FMN2: variants seen among roughly 807,000 people sequenced by gnomAD.
The protein encoded by FMN2 is formin-2.
A neutral mutation model predicts 142.3 loss-of-function variants in FMN2; 51 were observed. The ratio of observed to expected loss-of-function variants is 0.36; its 90% CI spans 0.29 to 0.45. FMN2 has a LOEUF of 0.45. Among genes scored for constraint, FMN2 ranks in the 20% least tolerant of loss-of-function variants. The pLI, the probability that FMN2 is intolerant of heterozygous loss-of-function variation, is 1.00. For missense variants in FMN2, 1,936 were observed against 2,122.8 expected, an observed-to-expected ratio of 0.91 and a Z score of 1.73; for synonymous variants, 882 against 869.8, an observed-to-expected ratio of 1.01 and a Z score of -0.25.
intron 13 of FMN2, among the ~76,000 whole-genome samples, chr1:240,354,019 G>T (rs1351864613): frequency 6.6e-6 from 1 of 152,148 alleles, no homozygotes; most frequent in Non-Finnish European, 1.5e-5. Flanking sequence ...AGTTGGCAAG[G>T]TCTACATTGT....
At position 240,092,328 on chromosome 1, in the gene FMN2, G is replaced by C; in HGVS notation, c.219G>C (p.Ser73=). ...AGAGCAAGTCCGACTCCAGAGCCTCGGTGTTTTCCAACCTGCGGATCAGGA... is the reference window on the plus strand; with the variant it reads ...AGAGCAAGTCCGACTCCAGAGCCTCCGTGTTTTCCAACCTGCGGATCAGGA... The part of the protein sequence containing the change: ...KKKSKSDSRA[S]VFSNLRIRKN... The change falls in exon 1 of 18, where the codon TCG becomes TCC. Residue 73 remains serine, a synonymous_variant. Transcript: ENST00000319653. 1 of 1,607,654 alleles carries C rather than the reference G, an allele frequency of 6.2e-7. No individual in the cohort carries two copies. The highest frequency in any genetic ancestry group is 8.5e-7 in the Non-Finnish European group (1 of 1,176,298).
intron 7 of FMN2, among the ~76,000 whole-genome samples, chr1:240,278,223 T>C (rs1669283383): frequency 6.6e-6 from 1 of 152,144 alleles, no homozygotes; most frequent in African/African-American, 2.4e-5. Context: ...AATGAGCATT[T>C]GTAGGGTCAG....
At chr1:240,464,880 C>G (rs770159916) in intron 16 of FMN2, among the ~76,000 whole-genome samples, 5 of 152,118 alleles carry the variant, frequency 3.3e-5, no homozygotes, top group African/African-American at 9.7e-5. Flanking sequence ...TGTGCTCATT[C>G]GAGTTGTGAT....
In FMN2 at chr1:240,285,160, C is replaced by T. The variant is rs537896624; in HGVS notation, c.4154-9662C>T. 14 of 448,556 alleles carry T rather than the reference C, an allele frequency of 3.1e-5. No homozygotes were observed. In the East Asian group the frequency reaches 5.0e-4, roughly 16 times the overall value. The allele number at this position is 448,556 out of a possible 1,614,324, so 27.8% of individuals were successfully genotyped here. On this transcript the variant is annotated intron_variant, in intron 7 of 17. Transcript: ENST00000319653. ...TGTTGCAAGAATTGCAGGCAATAAT[C>T]GGGAATGTCTGAGAATGGGGTGGTA... is the stretch of plus-strand genomic sequence containing the variant.
chr1:240,462,480 A>G (rs1163071057), intron 16 of FMN2, among the ~76,000 whole-genome samples: 1 of 152,222 alleles, frequency 6.6e-6, no homozygotes, highest in Non-Finnish European at 1.5e-5. Context: ...TCAAAATGTG[A>G]ATTGGACATG....
intron 4 of FMN2, among the ~76,000 whole-genome samples, chr1:240,204,941 C>A (rs531885037): frequency 3.9e-5 from 6 of 152,140 alleles, no homozygotes; most frequent in Non-Finnish European, 7.4e-5. Context: ...AAGATGTTTG[C>A]TTTTCACTTT....
intron 2 of FMN2, among the ~76,000 whole-genome samples, chr1:240,172,246 A>G (rs1164419024): frequency 6.6e-6 from 1 of 152,062 alleles, no homozygotes; most frequent in African/African-American, 2.4e-5. Context: ...ATGGTTGAGG[A>G]AATATCACAG....
intron 15 of FMN2, among the ~76,000 whole-genome samples, chr1:240,422,177 C>T (rs1572291113): frequency 6.6e-6 from 1 of 152,190 alleles, no homozygotes; most frequent in Admixed American, 6.5e-5. Flanking sequence ...CTCTTGAAGT[C>T]AGATAGTATC....
chr1:240,295,279 A>G (rs1198434441), intron 8 of FMN2, among the ~76,000 whole-genome samples: 1 of 152,126 alleles, frequency 6.6e-6, no homozygotes, highest in Non-Finnish European at 1.5e-5. Flanking sequence ...GAATACATTC[A>G]TTCCAGGTGT....
At chr1:240,316,702 G>A (rs12022082) in intron 8 of FMN2, among the ~76,000 whole-genome samples, 9,782 of 152,116 alleles carry the variant, frequency 0.064, 409 homozygotes, top group South Asian at 0.12. Context: ...AAAATAGAAC[G>A]GATGATCAAT....
In FMN2 at chr1:240,154,352, G is replaced by C. The variant is rs144902394; in HGVS notation, c.1783-23569G>C. 3.8e-3 allele frequency among the ~76,000 whole-genome samples: 582 copies of C among 152,236 alleles called. 2 individuals carry two copies. The highest frequency in any genetic ancestry group is 0.013 in the African/African-American group (554 of 41,546). On this transcript the variant is annotated intron_variant, in intron 2 of 17. Coordinates refer to ENST00000319653, the MANE Select transcript of FMN2 (RefSeq NM_020066.5). Reference sequence around the variant, plus strand: ...GTGGAGGAAGGCCCCATTCTAGAAAGGTGGCATTTGAAGTGGCACATGAAG... The same window carrying C: ...GTGGAGGAAGGCCCCATTCTAGAAACGTGGCATTTGAAGTGGCACATGAAG...
At chr1:240,101,747 A>C (rs56262929) in intron 1 of FMN2, among the ~76,000 whole-genome samples, 10,555 of 145,516 alleles carry the variant, frequency 0.073, 1,283 homozygotes, top group African/African-American at 0.25. Context: ...GGGTCTCACT[A>C]TGTTACCCAG....
chr1:240,397,395 G>A (rs1198827142), intron 15 of FMN2, among the ~76,000 whole-genome samples: 1 of 152,154 alleles, frequency 6.6e-6, no homozygotes, highest in East Asian at 1.9e-4. Context: ...TCAGGAAGCT[G>A]AGTCTTAAGG....
At chr1:240,250,576 A>G (rs1668242319) in intron 6 of FMN2, among the ~76,000 whole-genome samples, 1 of 152,028 alleles carries the variant, frequency 6.6e-6, no homozygotes, top group Non-Finnish European at 1.5e-5. Flanking sequence ...TGGTTTTGGT[A>G]TCAGGGTAAT....
At chr1:240,094,810 T>A (rs1387439993) in intron 1 of FMN2, among the ~76,000 whole-genome samples, 1 of 152,244 alleles carries the variant, frequency 6.6e-6, no homozygotes, top group African/African-American at 2.4e-5. Flanking sequence ...ATACATTATC[T>A]GTAAAACATT....
chr1:240,248,458 T>TAA (rs1553349592), intron 6 of FMN2, among the ~76,000 whole-genome samples: 4 of 133,540 alleles, frequency 3.0e-5, no homozygotes, highest in South Asian at 2.4e-4. Context: ...TATATATATA[T>TAA]AACATACATG....
At chr1:240,203,445 G>A (rs1022905556) in intron 4 of FMN2, among the ~76,000 whole-genome samples, 1 of 152,194 alleles carries the variant, frequency 6.6e-6, no homozygotes, top group Non-Finnish European at 1.5e-5. Flanking sequence ...TAAGGAAAAT[G>A]TGGATATATA....
At chr1:240,184,408 G>A (rs145881402) in intron 3 of FMN2, among the ~76,000 whole-genome samples, 1 of 150,600 alleles carries the variant, frequency 6.6e-6, no homozygotes, top group Admixed American at 6.6e-5. Context: ...GCTCATTTTT[G>A]TATTTTTAGT....
At chr1:240,121,235 A>G (rs1191179995) in intron 1 of FMN2, among the ~76,000 whole-genome samples, 1 of 152,056 alleles carries the variant, frequency 6.6e-6, no homozygotes, top group Non-Finnish European at 1.5e-5. Flanking sequence ...ACTGACAACC[A>G]GTAGAAAACT....
Sources: allele counts gnomAD v4.1 joint callset (sites outside exome capture counted in the v4.1 genomes callset), GRCh38; gene constraint gnomAD v4.1.1; transcripts MANE v1.5; gene names NCBI Gene and HGNC (gene_info 2026-07-23, HGNC 2026-07-21).